ADAM9: variants seen among roughly 807,000 people sequenced by gnomAD.
The protein encoded by ADAM9 is disintegrin and metalloproteinase domain-containing protein 9.
ADAM9 carries 54 observed loss-of-function variants against 108.1 expected under a neutral mutation model. The observed-to-expected ratio is 0.50, with a 90% CI of 0.40 to 0.63. ADAM9 has a LOEUF of 0.63. Ranked by LOEUF, ADAM9 falls within the 20% of genes least tolerant of loss-of-function variation. ADAM9 has a pLI of 0.00. For missense variants in ADAM9, 830 were observed against 997.7 expected, an observed-to-expected ratio of 0.83 and a Z score of 2.26; for synonymous variants, 316 against 336.0, an observed-to-expected ratio of 0.94 and a Z score of 0.65.
chr8:39,080,402 G>C (rs1015983641), intron 16 of ADAM9, among the ~76,000 whole-genome samples: 7 of 152,016 alleles, frequency 4.6e-5, no homozygotes, highest in African/African-American at 1.4e-4. Flanking sequence ...TAACTGCATA[G>C]TTTTCTAGCT....
chr8:39,028,849 G>T (rs1181663468), intron 11 of ADAM9, among the ~76,000 whole-genome samples: 1 of 152,126 alleles, frequency 6.6e-6, no homozygotes, highest in Admixed American at 6.5e-5. Flanking sequence ...GTGGAGGATT[G>T]GGAGGACGGA....
chr8:39,026,164 G>A (rs1334251388), intron 10 of ADAM9, among the ~76,000 whole-genome samples: 1 of 152,098 alleles, frequency 6.6e-6, no homozygotes, highest in Admixed American at 6.5e-5. Context: ...GTATACATGT[G>A]CCATGGTGGT....
At position 39,082,948 on chromosome 8, in the gene ADAM9, G is replaced by A; in HGVS notation, c.1963-20G>A. 6.3e-7 allele frequency: 1 copy of A among 1,591,612 alleles called. No individual in the cohort carries two copies. Among genetic ancestry groups the A allele is most frequent in the Non-Finnish European group, 8.6e-7 (1 of 1,160,336 alleles). ...GCAACATTCACAATTAACAAAAGTG[G>A]TATTTTGATTGTTTTGAAGGTATGT... On this transcript the variant is annotated intron_variant, in intron 17 of 21. Coordinates refer to ENST00000487273, the MANE Select transcript of ADAM9 (RefSeq NM_003816.3).
chr8:39,008,019 A>AT, intron 2 of ADAM9, 36 bp downstream of exon 2: 1 of 1,486,740 alleles, frequency 6.7e-7, no homozygotes, highest in Non-Finnish European at 9.3e-7. Context: ...TATGTGGTTA[A>AT]TTTTTTTCTT....
At chr8:38,997,202 T>C (rs1463286421) in intron 1 of ADAM9, 42 bp downstream of exon 1, 36 of 1,566,930 alleles carry the variant, frequency 2.3e-5, no homozygotes, top group Non-Finnish European at 3.1e-5. Flanking sequence ...GGCTGCTTCC[T>C]AGGGACGGGG....
At chr8:39,022,631 A>G (rs1413984196) in intron 8 of ADAM9, among the ~76,000 whole-genome samples, 2 of 152,188 alleles carry the variant, frequency 1.3e-5, no homozygotes, top group Non-Finnish European at 2.9e-5. Flanking sequence ...AGATTTTAGA[A>G]TAGAAGATAA....
At chr8:39,094,436 G>A (rs966580772) in intron 20 of ADAM9, among the ~76,000 whole-genome samples, 16 of 152,132 alleles carry the variant, frequency 1.1e-4, no homozygotes, top group African/African-American at 3.4e-4. Context: ...TGCTGGCCTT[G>A]TAAAATGAGT....
In ADAM9 at chr8:39,041,250, G is replaced by C. The variant is rs537982595; in HGVS notation, c.1131-696G>C. On this transcript the variant is annotated intron_variant, in intron 11 of 21. Coordinates refer to ENST00000487273, the MANE Select transcript of ADAM9 (RefSeq NM_003816.3). The stretch of plus-strand genomic sequence containing the variant: ...GTAGCTAAAAAAAAAATCCCAGGTA[G>C]AACATATCAAAATTGCATTTATATA... 7.9e-5 allele frequency among the ~76,000 whole-genome samples: 12 copies of C among 152,150 alleles called. No individual in the cohort carries two copies. In the South Asian group the frequency reaches 1.9e-3, roughly 24 times the overall value.
intron 15 of ADAM9, among the ~76,000 whole-genome samples, chr8:39,071,648 G>A (rs1038873177): frequency 6.6e-6 from 1 of 152,030 alleles, no homozygotes; most frequent in Non-Finnish European, 1.5e-5. Context: ...TTGTATTTTA[G>A]TAGAGATGGG....
Position 38,997,046 on chromosome 8 carries a change from C to A in ADAM9, c.-18C>A, listed in dbSNP as rs376347476. 2 of 1,605,432 alleles carry A rather than the reference C, an allele frequency of 1.2e-6. No individual in the cohort carries two copies. Among genetic ancestry groups the A allele is most frequent in the Non-Finnish European group, 1.7e-6 (2 of 1,179,306 alleles). ...GGAGGCGACCGAGTGCTGAGAGGAA[C>A]CTGCGGAATCGGCCGAGATGGGGTC... is the stretch of plus-strand genomic sequence containing the variant. On this transcript the variant is annotated 5_prime_UTR_variant, in exon 1 of 22. Transcript: ENST00000487273.
chr8:39,068,336 G>A (rs1415523205), intron 14 of ADAM9, among the ~76,000 whole-genome samples: 2 of 152,010 alleles, frequency 1.3e-5, no homozygotes, highest in African/African-American at 4.8e-5. Context: ...GGCTTGTTAA[G>A]ATTCCCTTGT....
intron 2 of ADAM9, among the ~76,000 whole-genome samples, chr8:39,009,464 C>G (rs1836274080): frequency 6.6e-6 from 1 of 152,174 alleles, no homozygotes; most frequent in Admixed American, 6.5e-5. Flanking sequence ...GTCTCGAACT[C>G]TTGGCTTCAA....
In ADAM9 at chr8:39,058,022, A is replaced by G. The variant is rs373424503; in HGVS notation, c.1591+2250A>G. The stretch of plus-strand genomic sequence containing the variant: ...GCATAATTCCACCTAGCATGATATA[A>G]TAACACTATCCTGCATGCAACTAAA... On this transcript the variant is annotated intron_variant, in intron 14 of 21. Coordinates refer to ENST00000487273, the MANE Select transcript of ADAM9 (RefSeq NM_003816.3). Among the ~76,000 whole-genome samples the G allele has an allele frequency of 6.6e-5, 10 of 152,170 alleles. No homozygotes were observed. In the East Asian group the frequency reaches 1.3e-3, roughly 20 times the overall value.
At chr8:39,065,234 T>C (rs1838422293) in intron 14 of ADAM9, among the ~76,000 whole-genome samples, 2 of 151,846 alleles carry the variant, frequency 1.3e-5, no homozygotes, top group Non-Finnish European at 2.9e-5. Context: ...TGACCTACTT[T>C]CTGAGCAACT....
chr8:39,014,296 A>T, intron 4 of ADAM9: 1 of 564,808 alleles, frequency 1.8e-6, no homozygotes, highest in South Asian at 2.6e-5. Flanking sequence ...ATTTAATGGT[A>T]ATCCTTACTG....
Position 39,042,111 on chromosome 8 carries a change from T to C in ADAM9, c.1296T>C (p.Thr432=). Reference sequence around the variant, plus strand: ...CTGGGGAAGAGTGTGACTGTGGTACTCCAAAGGTCAGTTTAATTTTTGACT... The same window carrying C: ...CTGGGGAAGAGTGTGACTGTGGTACCCCAAAGGTCAGTTTAATTTTTGACT... The part of the protein sequence containing the change: ...VDAGEECDCG[T]PKECELDPCC... Residue 432 remains threonine (T), a synonymous_variant, in exon 12 of 22, where the codon ACT becomes ACC. Coordinates refer to ENST00000487273, the MANE Select transcript of ADAM9 (RefSeq NM_003816.3). 1 of 1,614,038 alleles carries C rather than the reference T, an allele frequency of 6.2e-7. No homozygotes were observed. The highest frequency in any genetic ancestry group is 8.5e-7 in the Non-Finnish European group (1 of 1,179,892).
intron 4 of ADAM9, chr8:39,014,417 TAAAGAA>T (rs1285515793): frequency 3.4e-6 from 2 of 594,730 alleles, no homozygotes; most frequent in African/African-American, 3.8e-5. Flanking sequence ...TGATATTTAG[TAAAGAA>T]AAACACTCAT....
In ADAM9 at chr8:39,052,795, A is replaced by G. The variant is rs561890560; in HGVS notation, c.1303-1686A>G. Reference sequence around the variant, plus strand: ...CTGCAGTGTTTTTGAACTGGCCAGCATTCACCTTCAAATCTTTATGTGAAC... The same window carrying G: ...CTGCAGTGTTTTTGAACTGGCCAGCGTTCACCTTCAAATCTTTATGTGAAC... On this transcript the variant is annotated intron_variant, in intron 12 of 21. Transcript: ENST00000487273. Among the ~76,000 whole-genome samples the G allele has an allele frequency of 3.9e-5, 6 of 152,218 alleles. No homozygotes were observed. The East Asian group carries it at 9.6e-4, about 24-fold the overall frequency.
intron 1 of ADAM9, among the ~76,000 whole-genome samples, chr8:39,000,088 G>C (rs192821743): frequency 3.4e-5 from 5 of 148,726 alleles, no homozygotes; most frequent in African/African-American, 9.9e-5. Flanking sequence ...GCAGTGGCAC[G>C]ATCTCGGCCC....
Sources: gnomAD v4.1 joint callset for allele counts (sites outside exome capture counted in the v4.1 genomes callset) on GRCh38, gnomAD v4.1.1 for gene constraint, MANE v1.5 for transcripts, NCBI Gene and HGNC (gene_info 2026-07-23, HGNC 2026-07-21) for gene names.